NYAP2: variants seen among roughly 807,000 people sequenced by gnomAD.
The protein encoded by NYAP2 is neuronal tyrosine-phosphorylated phosphoinositide-3-kinase adaptor 2.
In NYAP2, 23 loss-of-function variants were observed where a neutral mutation model predicts 50.4. The observed-to-expected ratio is 0.46, with a 90% CI of 0.33 to 0.65. The LOEUF (loss-of-function observed/expected upper bound fraction) is 0.65, where lower values mean the gene tolerates loss of function less well. NYAP2 is among the 30% of genes least tolerant of loss of function. The probability of loss-of-function intolerance (pLI) is 0.02; values close to 1 mark genes in which losing one functional copy is unlikely to be tolerated. For synonymous variants in NYAP2, 394 were observed against 365.2 expected, an observed-to-expected ratio of 1.08 and a Z score of -0.90; for missense variants, 885 against 861.0, an observed-to-expected ratio of 1.03 and a Z score of -0.35.
chr2:225,526,385 T>A (rs1275523262), intron 4 of NYAP2, among the ~76,000 whole-genome samples: 3 of 152,178 alleles, frequency 2.0e-5, no homozygotes, highest in Non-Finnish European at 4.4e-5. Flanking sequence ...CTGGGCTGTA[T>A]TCTCAGGTAG....
intron 3 of NYAP2, among the ~76,000 whole-genome samples, chr2:225,482,788 A>G (rs1052586447): frequency 3.9e-5 from 6 of 152,140 alleles, no homozygotes; most frequent in Non-Finnish European, 7.4e-5. Flanking sequence ...TTCCCCAGCC[A>G]GCCCTACCCC....
intron 5 of NYAP2, among the ~76,000 whole-genome samples, chr2:225,592,236 G>A (rs879426276): frequency 6.6e-6 from 1 of 152,146 alleles, no homozygotes; most frequent in East Asian, 1.9e-4. Flanking sequence ...GGGATACAGG[G>A]CTTTTGTTTT....
At chr2:225,504,899 T>C (rs1010753435) in intron 3 of NYAP2, among the ~76,000 whole-genome samples, 1 of 151,872 alleles carries the variant, frequency 6.6e-6, no homozygotes, top group African/African-American at 2.4e-5. Context: ...TCCCAGCTAC[T>C]TGGGAGGCTG....
At chr2:225,596,387 T>C (rs1017144676) in intron 5 of NYAP2, among the ~76,000 whole-genome samples, 8 of 152,186 alleles carry the variant, frequency 5.3e-5, no homozygotes, top group East Asian at 1.9e-4. Flanking sequence ...GGACACATAC[T>C]GAGTCTTTTT....
At chr2:225,462,510 C>T (rs890669340) in intron 3 of NYAP2, among the ~76,000 whole-genome samples, 13 of 152,048 alleles carry the variant, frequency 8.5e-5, no homozygotes, top group African/African-American at 3.1e-4. Context: ...TTCTTCCATC[C>T]CAATGAATGA....
At chr2:225,516,802 A>C (rs1252582303) in intron 4 of NYAP2, among the ~76,000 whole-genome samples, 1 of 152,200 alleles carries the variant, frequency 6.6e-6, no homozygotes, top group Non-Finnish European at 1.5e-5. Flanking sequence ...TTCATTACAG[A>C]GCATATGTTT....
At chr2:225,521,744 T>C (rs549267402) in intron 4 of NYAP2, among the ~76,000 whole-genome samples, 4 of 152,092 alleles carry the variant, frequency 2.6e-5, no homozygotes, top group African/African-American at 9.6e-5. Context: ...TCTTTTTTGG[T>C]TGTGTCTCTG....
At chr2:225,682,435 T>G in the NYAP2 span, among the ~76,000 whole-genome samples, 1 of 152,162 alleles carries the variant, frequency 6.6e-6, no homozygotes, top group Non-Finnish European at 1.5e-5. Context: ...CAACTCCAAT[T>G]GAACACTTCC....
intron 4 of NYAP2, among the ~76,000 whole-genome samples, chr2:225,532,902 T>C (rs1691282351): frequency 6.6e-6 from 1 of 152,170 alleles, no homozygotes; most frequent in African/African-American, 2.4e-5. Flanking sequence ...TCAACAGATA[T>C]TTACTGAGTG....
At chr2:225,676,854 C>T in the NYAP2 span, among the ~76,000 whole-genome samples, 7 of 152,110 alleles carry the variant, frequency 4.6e-5, no homozygotes, top group African/African-American at 9.7e-5. Flanking sequence ...ATACCTCTAG[C>T]GTTATTCTTT....
chr2:225,442,849 T>C (rs1259457113), intron 3 of NYAP2, among the ~76,000 whole-genome samples: 1 of 152,114 alleles, frequency 6.6e-6, no homozygotes, highest in Admixed American at 6.5e-5. Context: ...AGTGCTGAGA[T>C]TATGGGCGTG....
the NYAP2 span, among the ~76,000 whole-genome samples, chr2:225,670,722 A>G: frequency 6.6e-6 from 1 of 151,974 alleles, no homozygotes; most frequent in African/African-American, 2.4e-5. Flanking sequence ...GATCTGTATT[A>G]AAATCAATAT....
rs1357361520 is a variant in NYAP2 at position 225,434,247 on chromosome 2, C to T, written c.221+25146C>T. Among the ~76,000 whole-genome samples, 2 of 152,148 alleles carry T rather than the reference C, an allele frequency of 1.3e-5. 1 individual carries two copies. The highest frequency in any genetic ancestry group is 2.9e-5 in the Non-Finnish European group (2 of 68,010). On this transcript the variant is annotated intron_variant, in intron 3 of 6. Transcript: ENST00000636099. ...CAGAGACAACTGCCCCTCTGCCCTC[C>T]AGTACAGCAGCATCCTAGGGGGCTT...
chr2:225,615,178 T>C (rs1692967249), intron 5 of NYAP2, among the ~76,000 whole-genome samples: 1 of 152,192 alleles, frequency 6.6e-6, no homozygotes, highest in African/African-American at 2.4e-5. Context: ...AAACATGGCT[T>C]AACTAGATGC....
At chr2:225,446,238 CTCTCTCTCTATA>C (rs1285366184) in intron 3 of NYAP2, among the ~76,000 whole-genome samples, 7 of 104,570 alleles carry the variant, frequency 6.7e-5, no homozygotes, top group African/African-American at 2.9e-4. Flanking sequence ...CTCTCTCTCT[CTCTCTCTCTATA>C]TATATATATA....
At chr2:225,701,259 A>G in the NYAP2 span, 4 of 151,948 alleles carry the variant, frequency 2.6e-5, no homozygotes, top group South Asian at 4.1e-4. Flanking sequence ...ATACTTCAAT[A>G]TATTAATTTG....
At chr2:225,535,754 G>A (rs891583) in intron 4 of NYAP2, among the ~76,000 whole-genome samples, 91,695 of 152,054 alleles carry the variant, frequency 0.6, 28,844 homozygotes, top group African/African-American at 0.79. Flanking sequence ...GAGACAGATG[G>A]TGGTTGCTTA....
intron 3 of NYAP2, among the ~76,000 whole-genome samples, chr2:225,475,399 TGTTA>T (rs1238266972): frequency 6.6e-6 from 1 of 152,206 alleles, no homozygotes; most frequent in African/African-American, 2.4e-5. Flanking sequence ...ATCTCTGTAA[TGTTA>T]GTTAATGATA....
intron 3 of NYAP2, among the ~76,000 whole-genome samples, chr2:225,472,373 G>A (rs910626113): frequency 1.3e-5 from 2 of 152,162 alleles, no homozygotes; most frequent in African/African-American, 4.8e-5. Context: ...GGAAAAGGCA[G>A]GACAAGAGGA....
Sources: allele counts gnomAD v4.1 joint callset (sites outside exome capture counted in the v4.1 genomes callset), GRCh38; gene constraint gnomAD v4.1.1; transcripts MANE v1.5; gene names NCBI Gene and HGNC (gene_info 2026-07-23, HGNC 2026-07-21).